Variants in RGMB observed in about 807,000 individuals in gnomAD.
RGMB encodes repulsive guidance molecule B.
In RGMB, 16 loss-of-function variants were observed where a neutral mutation model predicts 26.9. That is an observed-to-expected ratio of 0.60 (90% CI 0.40 to 0.90). RGMB has a LOEUF of 0.90. Ranked by LOEUF, RGMB falls within the 40% of genes least tolerant of loss-of-function variation. RGMB has a pLI of 0.00. For missense variants in RGMB, 512 were observed against 573.3 expected, an observed-to-expected ratio of 0.89 and a Z score of 1.09; for synonymous variants, 225 against 229.3, an observed-to-expected ratio of 0.98 and a Z score of 0.17.
chr5:98,771,405 G>T (rs1163475492), upstream of RGMB, among the ~76,000 whole-genome samples: 3 of 152,180 alleles, frequency 2.0e-5, no homozygotes, highest in Non-Finnish European at 2.9e-5. Context: ...TTGAGGAGTG[G>T]CTGCGGTATA....
chr5:98,775,024 T>G (rs945998323), intron 1 of RGMB, among the ~76,000 whole-genome samples: 1 of 152,218 alleles, frequency 6.6e-6, no homozygotes, highest in Admixed American at 6.5e-5. Context: ...TTTCTAGGAA[T>G]TTGCCTAGAC....
At position 98,779,871 on chromosome 5, in the gene RGMB, G is replaced by A. The variant is rs1490312783; in HGVS notation, c.428G>A (p.Ser143Asn). 1 of 1,614,038 alleles carries A rather than the reference G, an allele frequency of 6.2e-7. No individual in the cohort carries two copies. The highest frequency in any genetic ancestry group is 2.2e-5 in the East Asian group (1 of 44,890). ...EVTHDPCNYH[S>N]HAGAREHRRG... is the part of the protein sequence containing the mutation. ...ACCCATGATCCTTGCAACTATCACA[G>A]CCACGCTGGAGCCAGGGAACACAGG... is the stretch of plus-strand genomic sequence containing the variant. The change falls in exon 2 of 3, where the codon AGC (serine) becomes AAC (asparagine). Residue 143 changes from serine to asparagine, a missense_variant. Transcript: ENST00000513185.
At chr5:98,772,425 A>G (rs1746196362), upstream of RGMB, among the ~76,000 whole-genome samples, 1 of 152,250 alleles carries the variant, frequency 6.6e-6, no homozygotes, top group Non-Finnish European at 1.5e-5. Flanking sequence ...GAATATCAGC[A>G]TGTCCGTGGT....
chr5:98,791,129 C>T (rs1392144260), intron 2 of RGMB, among the ~76,000 whole-genome samples: 3 of 152,184 alleles, frequency 2.0e-5, no homozygotes, highest in African/African-American at 7.2e-5. Context: ...CTGAAATCAT[C>T]TCTGATGCAC....
At chr5:98,770,541 C>G, upstream of RGMB, 1 of 872,954 alleles carries the variant, frequency 1.1e-6, no homozygotes, top group South Asian at 5.6e-5. Context: ...CCCGGGCTCT[C>G]TCCCTCCGCG....
Position 98,793,870 on chromosome 5 carries a change from T to G in RGMB, c.*117T>G, listed in dbSNP as rs746954669. On this transcript the variant is annotated 3_prime_UTR_variant, in exon 3 of 3. Transcript: ENST00000513185. ...TGTATATACCATGTATATGACAGGA[T>G]GTTTGTCCTGGGACACCCACCAGAT... The G allele has an allele frequency of 8.0e-5, 65 of 815,380 alleles. No individual in the cohort carries two copies. The highest frequency in any genetic ancestry group is 3.6e-4 in the Middle Eastern group (1 of 2,770). 50.5% of individuals were successfully genotyped at this position (815,380 alleles called of 1,614,324 possible). A position where few individuals can be genotyped will look rare whatever the true frequency, so the allele number is the denominator to read the frequency against.
chr5:98,776,134 TAAAG>T (rs1357773643), intron 1 of RGMB, among the ~76,000 whole-genome samples: 3 of 152,286 alleles, frequency 2.0e-5, no homozygotes, highest in South Asian at 2.1e-4. Context: ...GTCCTGGTGT[TAAAG>T]AAACTGTCTT....
chr5:98,782,499 C>T (rs1369144675), intron 2 of RGMB, among the ~76,000 whole-genome samples: 1 of 152,044 alleles, frequency 6.6e-6, no homozygotes, highest in Non-Finnish European at 1.5e-5. Context: ...CATGGAAATC[C>T]CAGCTTTACT....
chr5:98,784,748 T>C (rs1337046851), intron 2 of RGMB, among the ~76,000 whole-genome samples: 1 of 152,264 alleles, frequency 6.6e-6, no homozygotes, highest in Non-Finnish European at 1.5e-5. Context: ...TTAGCATCTT[T>C]ATGGAAACCA....
At chr5:98,777,715 T>A (rs1033917449) in intron 1 of RGMB, among the ~76,000 whole-genome samples, 3 of 152,234 alleles carry the variant, frequency 2.0e-5, no homozygotes, top group Admixed American at 6.5e-5. Flanking sequence ...CTGAAAATTA[T>A]TTGATCTGCT....
intron 2 of RGMB, among the ~76,000 whole-genome samples, chr5:98,782,853 C>T (rs1344447806): frequency 6.6e-6 from 1 of 152,214 alleles, no homozygotes; most frequent in African/African-American, 2.4e-5. Flanking sequence ...AGGTACCCCC[C>T]TTTTCCTTAT....
chr5:98,791,787 T>TA (rs1746938969), intron 2 of RGMB, among the ~76,000 whole-genome samples: 4 of 152,202 alleles, frequency 2.6e-5, no homozygotes, highest in African/African-American at 9.6e-5. Flanking sequence ...ATCATAGTTG[T>TA]CTTCCCTCCA....
intron 2 of RGMB, among the ~76,000 whole-genome samples, chr5:98,785,972 G>T (rs1319846906): frequency 1.3e-5 from 2 of 152,206 alleles, no homozygotes; most frequent in Admixed American, 1.3e-4. Context: ...AGGTGAAAAG[G>T]TTTCCAAGTG....
intron 2 of RGMB, among the ~76,000 whole-genome samples, chr5:98,785,999 G>A (rs1341131775): frequency 6.6e-6 from 1 of 152,196 alleles, no homozygotes; most frequent in South Asian, 2.1e-4. Context: ...GGGAAAGGAA[G>A]CAGAGAAAAA....
At chr5:98,788,908 T>C (rs893005577) in intron 2 of RGMB, among the ~76,000 whole-genome samples, 1 of 152,228 alleles carries the variant, frequency 6.6e-6, no homozygotes, top group African/African-American at 2.4e-5. Context: ...TTTTGTTCAC[T>C]GGGGAAGACT....
In RGMB at chr5:98,792,306, G is replaced by T. The variant is rs1580296490; in HGVS notation, c.646-779G>T. Reference sequence around the variant, plus strand: ...GAATCTTGGTAGGAAGCAAAGTTCTGTTAGGTATATTGTTAATTAAGCCCT... The same window carrying T: ...GAATCTTGGTAGGAAGCAAAGTTCTTTTAGGTATATTGTTAATTAAGCCCT... On this transcript the variant is annotated intron_variant, in intron 2 of 2. Transcript: ENST00000513185. 5.3e-5 allele frequency among the ~76,000 whole-genome samples: 8 copies of T among 152,300 alleles called. 1 individual carries two copies. In the South Asian group the frequency reaches 1.7e-3, roughly 32 times the overall value.
At chr5:98,778,436 C>T (rs1002952) in intron 1 of RGMB, among the ~76,000 whole-genome samples, 42,190 of 152,086 alleles carry the variant, frequency 0.28, 6,428 homozygotes, top group Middle Eastern at 0.49. Flanking sequence ...AGAATAGCTT[C>T]CTCATTTCTC....
rs975629389 is a variant in RGMB at position 98,795,380 on chromosome 5, C to T, written c.*1627C>T. On this transcript the variant is annotated 3_prime_UTR_variant, in exon 3 of 3. Coordinates refer to ENST00000513185, the MANE Select transcript of RGMB (RefSeq NM_001366508.1). The stretch of plus-strand genomic sequence containing the variant: ...GTTACTTTTGCCATGTCCTATTGAT[C>T]AGTGACACTGCCAGAGGCCCATACC... 6.6e-6 allele frequency: 1 copy of T among 152,218 alleles called. No individual in the cohort carries two copies. The highest frequency in any genetic ancestry group is 1.5e-5 in the Non-Finnish European group (1 of 68,036). 9.4% of individuals were successfully genotyped at this position (152,218 alleles called of 1,614,324 possible).
intron 1 of RGMB, among the ~76,000 whole-genome samples, chr5:98,775,634 A>G (rs996289126): frequency 2.0e-5 from 3 of 152,200 alleles, no homozygotes; most frequent in African/African-American, 7.2e-5. Flanking sequence ...TAGTTGCCAT[A>G]GGATCCTGTG....
Sources: gnomAD v4.1 joint callset for allele counts (sites outside exome capture counted in the v4.1 genomes callset) on GRCh38, gnomAD v4.1.1 for gene constraint, MANE v1.5 for transcripts, NCBI Gene and HGNC (gene_info 2026-07-23, HGNC 2026-07-21) for gene names.